Variants in DAB1 observed in about 807,000 individuals in gnomAD.
The protein encoded by DAB1 is DAB adaptor protein 1.
Under a neutral mutation model 64.6 loss-of-function variants are expected in DAB1, and 15 were observed. The observed-to-expected ratio is 0.23, with a 90% CI of 0.16 to 0.36. The LOEUF (loss-of-function observed/expected upper bound fraction) is 0.36. Ranked by LOEUF, DAB1 falls within the 10% of genes least tolerant of loss-of-function variation. The pLI, the probability that DAB1 is intolerant of heterozygous loss-of-function variation, is 1.00. For missense variants in DAB1, 596 were observed against 706.7 expected (o/e 0.84, Z 1.78); for synonymous variants, 235 against 251.9 (o/e 0.93, Z 0.64).
At chr1:57,690,453 T>C (rs1646751021) in intron 6 of DAB1, among the ~76,000 whole-genome samples, 1 of 152,142 alleles carries the variant, frequency 6.6e-6, no homozygotes, top group South Asian at 2.1e-4. Context: ...CCCCCTTCTC[T>C]CTCTTCCTCC....
At chr1:57,464,306 G>A (rs917736233) in intron 7 of DAB1, among the ~76,000 whole-genome samples, 2 of 152,176 alleles carry the variant, frequency 1.3e-5, no homozygotes, top group African/African-American at 2.4e-5. Context: ...AGAAAACGAT[G>A]CCTCCTTATT....
intron 1 of DAB1, among the ~76,000 whole-genome samples, chr1:57,837,578 T>G (rs1569817674): frequency 6.6e-6 from 1 of 152,142 alleles, no homozygotes; most frequent in East Asian, 1.9e-4. Context: ...GACTCTCTTC[T>G]GCCCTCCCCT....
rs997048137 is a variant in DAB1, at chr1:58,452,120, A to T, written n.257+53940T>A. ...GCCAATTTTTGTGTTTTTAGTTGAGAGGGGGGTTTCGCCACGTTGGTCAGG... is the reference window on the plus strand; with the variant it reads ...GCCAATTTTTGTGTTTTTAGTTGAGTGGGGGGTTTCGCCACGTTGGTCAGG... On this transcript the variant is annotated intron_variant and non_coding_transcript_variant, in intron 3 of 20. Coordinates refer to the DAB1 transcript ENST00000485760. Among the ~76,000 whole-genome samples the T allele has an allele frequency of 5.9e-5, 9 of 151,542 alleles. No individual in the cohort carries two copies. The East Asian group carries it at 1.8e-3, about 30-fold the overall frequency.
rs555065784 is a variant in DAB1, at chr1:57,973,184, C to A, written n.388-89022G>T. Among the ~76,000 whole-genome samples, 4 of 152,204 alleles carry A rather than the reference C, an allele frequency of 2.6e-5. No homozygotes were observed. The South Asian group carries it at 8.3e-4, about 32-fold the overall frequency. On this transcript the variant is annotated intron_variant and non_coding_transcript_variant, in intron 5 of 20. Coordinates refer to the DAB1 transcript ENST00000485760. Reference sequence around the variant, plus strand: ...ACACAAAGAGGAGGTGATGTGAAGACAGGGCAGAAAGAGATTTTAAGACAT... The same window carrying A: ...ACACAAAGAGGAGGTGATGTGAAGAAAGGGCAGAAAGAGATTTTAAGACAT...
At chr1:57,850,037 G>A (rs1305286027) in intron 1 of DAB1, among the ~76,000 whole-genome samples, 3 of 152,172 alleles carry the variant, frequency 2.0e-5, no homozygotes, top group Admixed American at 6.5e-5. Context: ...TGTTGACATA[G>A]GTGGGGATAC....
rs1412532735 is a variant in DAB1 at position 57,854,617 on chromosome 1, C to G, written n.88-28162G>C. Reference sequence around the variant, plus strand: ...AGCCCAAGTCTGTGCTGCCAATGCCCTTCTCTTTCCACCACACTTGGGAAT... The same window carrying G: ...AGCCCAAGTCTGTGCTGCCAATGCCGTTCTCTTTCCACCACACTTGGGAAT... On this transcript the variant is annotated intron_variant and non_coding_transcript_variant, in intron 1 of 1. Transcript: ENST00000477280. 5.9e-5 allele frequency among the ~76,000 whole-genome samples: 9 copies of G among 152,320 alleles called. No homozygotes were observed. In the East Asian group the frequency reaches 1.5e-3, roughly 26 times the overall value.
intron 5 of DAB1, chr1:58,080,129 A>C (rs1252509757): frequency 6.6e-6 from 1 of 152,230 alleles, no homozygotes; most frequent in Non-Finnish European, 1.5e-5. Flanking sequence ...TGTACAGTCC[A>C]TCTGTTAAGG....
chr1:57,488,877 A>G (rs1470555720), intron 7 of DAB1, among the ~76,000 whole-genome samples: 2 of 152,186 alleles, frequency 1.3e-5, no homozygotes, highest in Non-Finnish European at 2.9e-5. Flanking sequence ...TGAAGTGTAA[A>G]GGTAAGAAAT....
At position 58,068,417 on chromosome 1, in the gene DAB1, T is replaced by C. The variant is rs562498755; in HGVS notation, n.387+82094A>G. Among the ~76,000 whole-genome samples the C allele has an allele frequency of 2.0e-5, 3 of 152,298 alleles. No individual in the cohort carries two copies. In the East Asian group the frequency reaches 5.8e-4, roughly 29 times the overall value. ...GAACATAGCAAAGCTCAAAAAGATG[T>C]CTGTTTGGATTTCTGGAACATTTCA... On this transcript the variant is annotated intron_variant and non_coding_transcript_variant, in intron 5 of 20. Coordinates refer to the DAB1 transcript ENST00000485760.
At chr1:57,298,301 G>T (rs1673365627) in intron 1 of DAB1, among the ~76,000 whole-genome samples, 1 of 152,124 alleles carries the variant, frequency 6.6e-6, no homozygotes, top group Non-Finnish European at 1.5e-5. Context: ...AGGTGTGAAA[G>T]GTACAAGTGC....
At position 57,501,501 on chromosome 1, in the gene DAB1, C is replaced by G. The variant is rs371903317; in HGVS notation, n.625+148091G>C. Among the ~76,000 whole-genome samples the G allele has an allele frequency of 7.9e-5, 12 of 152,228 alleles. No individual in the cohort carries two copies. In the East Asian group the frequency reaches 2.1e-3, roughly 27 times the overall value. ...CCATTTAAGCCTTGGATGATACACC[C>G]AAAGGATTAGATAGACACACAGCAA... On this transcript the variant is annotated intron_variant and non_coding_transcript_variant, in intron 7 of 20. Transcript: ENST00000485760.
intron 5 of DAB1, among the ~76,000 whole-genome samples, chr1:58,126,969 T>C (rs1454519818): frequency 6.7e-6 from 1 of 149,068 alleles, no homozygotes; most frequent in Non-Finnish European, 1.5e-5. Flanking sequence ...TTTGGGTATA[T>C]ACCCAGTAAT....
chr1:57,746,523 C>T (rs1167326692), intron 6 of DAB1, among the ~76,000 whole-genome samples: 2 of 151,976 alleles, frequency 1.3e-5, no homozygotes, highest in Non-Finnish European at 2.9e-5. Flanking sequence ...TGTACATTTC[C>T]TTTACCCATT....
At chr1:57,277,581 AT>A (rs904087950) in intron 2 of DAB1, among the ~76,000 whole-genome samples, 89 of 152,244 alleles carry the variant, frequency 5.8e-4, no homozygotes, top group African/African-American at 2.1e-3. Context: ...GACCAACCTG[AT>A]TTCAGCTCTC....
At chr1:58,460,828 G>C (rs1645236831) in intron 3 of DAB1, among the ~76,000 whole-genome samples, 2 of 152,154 alleles carry the variant, frequency 1.3e-5, no homozygotes, top group Admixed American at 6.5e-5. Context: ...GCAATTTACA[G>C]ATGAAAATGA....
chr1:57,869,059 A>G (rs891707753), intron 1 of DAB1, among the ~76,000 whole-genome samples: 2 of 152,020 alleles, frequency 1.3e-5, no homozygotes, highest in African/African-American at 4.8e-5. Context: ...TTCTTTTATG[A>G]TATCCAACTC....
intron 6 of DAB1, among the ~76,000 whole-genome samples, chr1:57,724,957 C>T (rs550174515): frequency 8.4e-4 from 128 of 152,346 alleles, no homozygotes; most frequent in African/African-American, 2.9e-3. Flanking sequence ...CTATCCACTA[C>T]TGTAAGACTA....
At chr1:57,908,581 C>T (rs1644593054) in intron 5 of DAB1, among the ~76,000 whole-genome samples, 1 of 151,074 alleles carries the variant, frequency 6.6e-6, no homozygotes, top group East Asian at 1.9e-4. Flanking sequence ...ACAATCCTGC[C>T]TACCATATTC....
chr1:57,676,661 G>T (rs552390075), intron 6 of DAB1, among the ~76,000 whole-genome samples: 1 of 152,246 alleles, frequency 6.6e-6, no homozygotes, highest in South Asian at 2.1e-4. Flanking sequence ...GACTGTTAAT[G>T]ATATGCCTCA....
Sources: gnomAD v4.1 joint callset for allele counts (sites outside exome capture counted in the v4.1 genomes callset) on GRCh38, gnomAD v4.1.1 for gene constraint, MANE v1.5 for transcripts, NCBI Gene and HGNC (gene_info 2026-07-23, HGNC 2026-07-21) for gene names.